C2CD3: variants seen among roughly 807,000 people sequenced by gnomAD.
C2CD3 encodes C2 domain-containing protein 3.
Under a neutral mutation model 234.0 loss-of-function variants are expected in C2CD3, and 148 were observed. The ratio of observed to expected loss-of-function variants is 0.63; its 90% CI spans 0.55 to 0.72. The LOEUF is 0.72. C2CD3 is among the 30% of genes least tolerant of loss of function. The pLI is 0.00. For missense variants in C2CD3, 2,577 were observed against 2,811.5 expected (o/e 0.92, Z 1.89); for synonymous variants, 1,000 against 1,035.4 (o/e 0.97, Z 0.66).
chr11:74,052,962 G>T (rs1300352786), intron 26 of C2CD3, among the ~76,000 whole-genome samples: 1 of 152,192 alleles, frequency 6.6e-6, no homozygotes, highest in East Asian at 1.9e-4. Flanking sequence ...GGCCTAGCTG[G>T]AATCTTAAAG....
chr11:74,013,576 A>G, intron 32 of C2CD3, 51 bp from the exon 33 acceptor site: 1 of 1,118,672 alleles, frequency 8.9e-7, no homozygotes, highest in Non-Finnish European at 1.2e-6. Context: ...GGCACCACCA[A>G]TGGATGACGC....
intron 3 of C2CD3, among the ~76,000 whole-genome samples, chr11:74,146,999 C>A (rs1340246091): frequency 6.6e-6 from 1 of 151,612 alleles, no homozygotes; most frequent in African/African-American, 2.4e-5. Flanking sequence ...TGCAGTGAGC[C>A]GAGATCGTGC....
chr11:74,120,373 C>T (rs535834978), intron 8 of C2CD3, among the ~76,000 whole-genome samples: 2 of 152,184 alleles, frequency 1.3e-5, no homozygotes, highest in South Asian at 4.2e-4. Context: ...TGAGAACAGG[C>T]GGTGTTTGGT....
chr11:74,097,130 C>T (rs2135489267), intron 16 of C2CD3, among the ~76,000 whole-genome samples: 1 of 142,918 alleles, frequency 7.0e-6, no homozygotes, highest in African/African-American at 2.6e-5. Context: ...GCCTGGGCAA[C>T]AGAGCAAGAC....
chr11:74,133,632 T>TCTGATAGAAGGAAA, intron 5 of C2CD3, 75 bp from the exon 6 acceptor site: 3 of 1,514,422 alleles, frequency 2.0e-6, no homozygotes, highest in Non-Finnish European at 2.7e-6. Flanking sequence ...GTGCATTTCC[T>TCTGATAGAAGGAAA]TCTATCAGAG....
intron 12 of C2CD3, among the ~76,000 whole-genome samples, chr11:74,107,165 A>G (rs1304986997): frequency 2.0e-5 from 3 of 152,172 alleles, no homozygotes; most frequent in African/African-American, 7.2e-5. Context: ...TCTACTAAAA[A>G]TACAAAAAAA....
chr11:74,140,467 T>G (rs1958017938), intron 3 of C2CD3, among the ~76,000 whole-genome samples: 1 of 152,210 alleles, frequency 6.6e-6, no homozygotes, highest in Non-Finnish European at 1.5e-5. Context: ...TACAGGCCAG[T>G]AACTGTGCTA....
chr11:74,048,008 T>C (rs1953470389), intron 28 of C2CD3, among the ~76,000 whole-genome samples, 197 bp downstream of exon 28: 1 of 152,234 alleles, frequency 6.6e-6, no homozygotes, highest in Non-Finnish European at 1.5e-5. Flanking sequence ...CTGATAGCAG[T>C]ACAAATTCTA....
Position 74,033,820 on chromosome 11 carries a change from A to T in C2CD3, c.6340T>A (p.Ser2114Thr). The change falls in exon 31 of 33, where the codon TCT becomes ACT. Residue 2114 changes from serine (S) to threonine (T), a missense_variant. Ser to Thr is a moderately conservative substitution (Grantham distance 58). Transcript: ENST00000334126. The stretch of plus-strand genomic sequence containing the variant: ...TCCTCTCTGCAGAAAGGCCCTGGAG[A>T]AGGACAAGAGGGGCCTTCCCTCTGC... ...EVQREGPSCP[S>T]PGPFCREELM... 6.5e-7 allele frequency: 1 copy of T among 1,536,128 alleles called. No individual in the cohort carries two copies. The highest frequency in any genetic ancestry group is 8.7e-7 in the Non-Finnish European group (1 of 1,146,888).
At chr11:74,109,952 A>ACG (rs1428613851) in intron 11 of C2CD3, among the ~76,000 whole-genome samples, 2,357 of 150,298 alleles carry the variant, frequency 0.016, 55 homozygotes, top group African/African-American at 0.034. Context: ...GCAGTGGCAG[A>ACG]CGCCTGTAGT....
intron 22 of C2CD3, among the ~76,000 whole-genome samples, chr11:74,080,792 T>C (rs1039621175): frequency 3.6e-4 from 55 of 152,188 alleles, no homozygotes; most frequent in African/African-American, 1.3e-3. Flanking sequence ...TACCTAGCCC[T>C]GTGCCAAGAT....
chr11:74,080,614 T>C (rs543459912), intron 22 of C2CD3, among the ~76,000 whole-genome samples: 1 of 152,276 alleles, frequency 6.6e-6, no homozygotes, highest in African/African-American at 2.4e-5. Context: ...AAAAACAAAA[T>C]AGAGTGCTCA....
chr11:74,074,555 G>A lies in C2CD3; in HGVS notation c.4649C>T (p.Ala1550Val). The A allele has an allele frequency of 6.2e-7, 1 of 1,614,134 alleles. No individual in the cohort carries two copies. Among genetic ancestry groups the A allele is most frequent in the Non-Finnish European group, 8.5e-7 (1 of 1,179,988 alleles). Residue 1550 changes from alanine (A) to valine (V), a missense_variant, in exon 24 of 33, where the codon GCT becomes GTT. Coordinates refer to ENST00000334126, the MANE Select transcript of C2CD3 (RefSeq NM_001286577.2). ...FGRNASNLSGAALRVHVVLSS... is the reference protein window; with the variant it reads ...FGRNASNLSGVALRVHVVLSS... ...AAGAACCACATGAACTCGCAAGGCA[G>A]CTCCTGAGAGGTTGGAAGCATTTCG... is the stretch of plus-strand genomic sequence containing the variant.
In C2CD3 at chr11:74,095,253, C is replaced by T. The variant is rs372253529; in HGVS notation, c.3135G>A (p.Leu1045=). 5.0e-6 allele frequency: 8 copies of T among 1,613,110 alleles called. No homozygotes were observed. Among genetic ancestry groups the T allele is most frequent in the African/African-American group, 1.3e-5 (1 of 74,868 alleles). ...CATTTTCAAGGAACTCAGGTCCTTT[C>T]AGCACACTGGATTGAGAGTGTTGAA... ...FPVQHSQSSV[L]KGPEFLENGI... is the part of the protein sequence containing the mutation. The change falls in exon 17 of 33, where the codon CTG becomes CTA. Residue 1045 remains leucine, a synonymous_variant. Transcript: ENST00000334126.
In C2CD3 at chr11:74,093,476, G is replaced by A. The variant is rs192342319; in HGVS notation, c.3344+340C>T. On this transcript the variant is annotated intron_variant, in intron 18 of 32. Coordinates refer to ENST00000334126, the MANE Select transcript of C2CD3 (RefSeq NM_001286577.2). ...GTTAGGAGGCTACCACAGTCATTTA[G>A]GCAAGATATGAAAAGGGCCTGAACT... Among the ~76,000 whole-genome samples, 259 of 151,732 alleles carry A rather than the reference G, an allele frequency of 1.7e-3. 1 individual carries two copies. The highest frequency in any genetic ancestry group is 6.2e-3 in the African/African-American group (257 of 41,420).
intron 1 of C2CD3, among the ~76,000 whole-genome samples, chr11:74,170,184 T>C (rs182080918): frequency 9.2e-5 from 14 of 152,154 alleles, no homozygotes; most frequent in Admixed American, 9.2e-4. Context: ...CCCACTCCAA[T>C]CCTATCACAC....
chr11:74,151,016 C>A (rs1440665590), intron 3 of C2CD3, among the ~76,000 whole-genome samples: 1 of 151,848 alleles, frequency 6.6e-6, no homozygotes, highest in Non-Finnish European at 1.5e-5. Context: ...ACCTCTGCCT[C>A]CTGGCTTCAA....
chr11:74,120,678 T>C (rs1352863535), intron 8 of C2CD3, among the ~76,000 whole-genome samples: 1 of 152,196 alleles, frequency 6.6e-6, no homozygotes, highest in African/African-American at 2.4e-5. Context: ...GTAATTCTAG[T>C]TCTAGATCCT....
chr11:74,074,206 C>A (rs746844522), intron 24 of C2CD3, 47 bp downstream of exon 24: 2 of 1,285,556 alleles, frequency 1.6e-6, no homozygotes, highest in Non-Finnish European at 2.2e-6. Context: ...GAAAGGAGCA[C>A]ACCCTGAAGA....
Sources: allele counts gnomAD v4.1 joint callset (sites outside exome capture counted in the v4.1 genomes callset), GRCh38; gene constraint gnomAD v4.1.1; transcripts MANE v1.5; gene names NCBI Gene and HGNC (gene_info 2026-07-23, HGNC 2026-07-21).